TMEM132D: variants seen among roughly 807,000 people sequenced by gnomAD.
TMEM132D encodes the protein transmembrane protein 132D, also known as mature OL transmembrane protein.
TMEM132D carries 21 observed loss-of-function variants against 62.3 expected under a neutral mutation model. The observed-to-expected ratio is 0.34, with a 90% CI of 0.24 to 0.49. The LOEUF (loss-of-function observed/expected upper bound fraction) is 0.49. Among genes scored for constraint, TMEM132D ranks in the 20% least tolerant of loss-of-function variants. The pLI is 0.99. For missense variants in TMEM132D, 1,346 were observed against 1,402.8 expected (o/e 0.96, Z 0.65); for synonymous variants, 621 against 575.6 (o/e 1.08, Z -1.13).
intron 4 of TMEM132D, among the ~76,000 whole-genome samples, chr12:129,251,459 C>T (rs1880264912): frequency 6.6e-6 from 1 of 151,562 alleles, no homozygotes; most frequent in Non-Finnish European, 1.5e-5. Context: ...TTATCATATC[C>T]CTTACCCGAG....
chr12:129,597,431 A>C (rs1878367466), intron 2 of TMEM132D, among the ~76,000 whole-genome samples: 1 of 147,910 alleles, frequency 6.8e-6, no homozygotes, highest in Admixed American at 6.6e-5. Context: ...TACTTACATC[A>C]AACAGAGCTG....
At chr12:129,599,416 A>G (rs1447838867) in intron 2 of TMEM132D, among the ~76,000 whole-genome samples, 4 of 152,238 alleles carry the variant, frequency 2.6e-5, no homozygotes, top group South Asian at 2.1e-4. Flanking sequence ...TTCTGCAAAC[A>G]GGGTTTCCTT....
At chr12:129,578,588 T>C (rs1877751484) in intron 2 of TMEM132D, among the ~76,000 whole-genome samples, 1 of 152,084 alleles carries the variant, frequency 6.6e-6, no homozygotes, top group Non-Finnish European at 1.5e-5. Flanking sequence ...TATTGGCATA[T>C]TGGCCCACAC....
chr12:129,452,133 A>G (rs1873309759), intron 3 of TMEM132D, among the ~76,000 whole-genome samples: 1 of 152,200 alleles, frequency 6.6e-6, no homozygotes, highest in Admixed American at 6.5e-5. Flanking sequence ...ATGATAGATG[A>G]TACCTTTACA....
intron 5 of TMEM132D, among the ~76,000 whole-genome samples, chr12:129,145,437 T>C (rs1317987773): frequency 6.6e-6 from 1 of 152,102 alleles, no homozygotes; most frequent in African/African-American, 2.4e-5. Flanking sequence ...GGCAGGTGCA[T>C]TTGCTAGGAG....
intron 5 of TMEM132D, among the ~76,000 whole-genome samples, chr12:129,108,026 G>A (rs1461063899): frequency 1.3e-5 from 2 of 152,126 alleles, no homozygotes; most frequent in Middle Eastern, 3.2e-3. Context: ...ACAAGAGCCT[G>A]TCCTGGACAT....
At chr12:129,451,666 C>G (rs536607408) in intron 3 of TMEM132D, among the ~76,000 whole-genome samples, 8 of 152,084 alleles carry the variant, frequency 5.3e-5, no homozygotes, top group African/African-American at 1.7e-4. Flanking sequence ...GAGGCATGCC[C>G]AAATTGACGT....
chr12:129,405,443 CCATAACTATTAGGGATTGAACAAATA>C (rs1871753164), intron 3 of TMEM132D, among the ~76,000 whole-genome samples: 2 of 152,094 alleles, frequency 1.3e-5, no homozygotes, highest in Non-Finnish European at 2.9e-5. Context: ...AACATTCAGC[CCATAACTATTAGGGATTGAACAAATA>C]CATAAATATG....
chr12:129,717,398 G>C (rs1008071275), intron 1 of TMEM132D, among the ~76,000 whole-genome samples: 1 of 151,868 alleles, frequency 6.6e-6, no homozygotes, highest in East Asian at 1.9e-4. Flanking sequence ...CATAAATGTT[G>C]CTACTTCATT....
At chr12:129,632,836 A>G (rs1197213441) in intron 2 of TMEM132D, among the ~76,000 whole-genome samples, 1 of 152,102 alleles carries the variant, frequency 6.6e-6, no homozygotes, top group Non-Finnish European at 1.5e-5. Context: ...ACTATTGATG[A>G]CCTTTGTCAT....
rs537820484 is a variant in TMEM132D at position 129,348,365 on chromosome 12, C to T, written c.1116-10548G>A. Among the ~76,000 whole-genome samples the T allele has an allele frequency of 3.0e-4, 46 of 152,322 alleles. 1 individual carries two copies. In the South Asian group the frequency reaches 9.1e-3, roughly 30 times the overall value. On this transcript the variant is annotated intron_variant, in intron 3 of 8. Transcript: ENST00000422113. ...TGTGGCACATATACACCATGGAATA[C>T]TATGCAGCCATAAAAGCAAATGAGT...
intron 4 of TMEM132D, among the ~76,000 whole-genome samples, chr12:129,328,693 G>A (rs1869000899): frequency 2.6e-5 from 4 of 152,062 alleles, no homozygotes; most frequent in African/African-American, 7.2e-5. Flanking sequence ...ATATTTTTAT[G>A]AGTACACCTC....
chr12:129,706,984 C>T (rs1385728766), intron 1 of TMEM132D, among the ~76,000 whole-genome samples: 2 of 151,214 alleles, frequency 1.3e-5, no homozygotes, highest in Non-Finnish European at 3.0e-5. Context: ...TCAATAGTAT[C>T]ATTATTAAAC....
chr12:129,859,818 T>C (rs1873834718), intron 1 of TMEM132D, among the ~76,000 whole-genome samples: 1 of 152,156 alleles, frequency 6.6e-6, no homozygotes. Flanking sequence ...GGCTGATTGG[T>C]GGTTGCACTG....
intron 1 of TMEM132D, among the ~76,000 whole-genome samples, chr12:129,900,493 A>T (rs1158403671): frequency 6.6e-6 from 1 of 152,204 alleles, no homozygotes; most frequent in Non-Finnish European, 1.5e-5. Flanking sequence ...CCCGCTCGCA[A>T]TGTTGCAGGT....
At chr12:129,756,769 A>G (rs1265261780) in intron 1 of TMEM132D, among the ~76,000 whole-genome samples, 1 of 152,264 alleles carries the variant, frequency 6.6e-6, no homozygotes, top group African/African-American at 2.4e-5. Context: ...ATTGAGTTTC[A>G]GAATAATTGA....
At chr12:129,243,689 G>T (rs1489080304) in intron 4 of TMEM132D, among the ~76,000 whole-genome samples, 5 of 152,060 alleles carry the variant, frequency 3.3e-5, no homozygotes, top group Admixed American at 6.5e-5. Context: ...GGCAAGATTT[G>T]ATTTCAATTC....
chr12:129,173,673 T>G (rs1346938490), intron 5 of TMEM132D, among the ~76,000 whole-genome samples: 1 of 152,254 alleles, frequency 6.6e-6, no homozygotes, highest in Admixed American at 6.5e-5. Context: ...ATTCTTTTTA[T>G]CTCGATAATA....
At chr12:129,258,079 T>C (rs1361761895) in intron 4 of TMEM132D, among the ~76,000 whole-genome samples, 1 of 152,182 alleles carries the variant, frequency 6.6e-6, no homozygotes, top group Admixed American at 6.5e-5. Context: ...CAGGACCCGT[T>C]TGCTCATAAA....
Sources: allele counts gnomAD v4.1 joint callset (sites outside exome capture counted in the v4.1 genomes callset), GRCh38; gene constraint gnomAD v4.1.1; transcripts MANE v1.5; gene names NCBI Gene and HGNC (gene_info 2026-07-23, HGNC 2026-07-21).